FUBP3: variants seen among roughly 807,000 people sequenced by gnomAD.
FUBP3 encodes far upstream element binding protein 3, also known as far upstream element-binding protein 3.
A neutral mutation model predicts 85.6 loss-of-function variants in FUBP3; 28 were observed. The observed-to-expected ratio is 0.33, with a 90% CI of 0.24 to 0.45. FUBP3 has a LOEUF of 0.45. Ranked by LOEUF, FUBP3 falls within the 20% of genes least tolerant of loss-of-function variation. The pLI is 1.00. For missense variants in FUBP3, 583 were observed against 755.1 expected, an observed-to-expected ratio of 0.77 and a Z score of 2.67; for synonymous variants, 271 against 271.4, an observed-to-expected ratio of 1.00 and a Z score of 0.01.
At chr9:130,582,967 CT>C (rs1026950415) in intron 1 of FUBP3, among the ~76,000 whole-genome samples, 2 of 152,142 alleles carry the variant, frequency 1.3e-5, no homozygotes, top group African/African-American at 4.8e-5. Flanking sequence ...AGCATTAGAT[CT>C]GTTTTGATCT....
chr9:130,628,779 A>T (rs1288074858), intron 12 of FUBP3, among the ~76,000 whole-genome samples: 2 of 150,892 alleles, frequency 1.3e-5, no homozygotes, highest in Non-Finnish European at 3.0e-5. Context: ...ATTTTTTTTT[A>T]TTTTTTTGAG....
Position 130,579,648 on chromosome 9 carries a change from TCGGCGGCGG to T in FUBP3, c.-27_-19del, listed in dbSNP as rs573526178. ...GAGCCGAGCGGCGGCGTCGGCGGCG[TCGGCGGCGG>T]CGGCGACGGCGGCGGGGGCGGTAAT... On this transcript the variant is annotated 5_prime_UTR_variant, in exon 1 of 19. Transcript: ENST00000319725. 2.3e-4 allele frequency: 276 copies of T among 1,210,046 alleles called. No homozygotes were observed. Among genetic ancestry groups the T allele is most frequent in the Non-Finnish European group, 2.5e-4 (242 of 965,594 alleles). 75.0% of individuals were successfully genotyped at this position (1,210,046 alleles called of 1,614,324 possible).
intron 9 of FUBP3, 118 bp downstream of exon 9, chr9:130,620,576 A>G: frequency 3.9e-6 from 2 of 514,258 alleles, no homozygotes; most frequent in Non-Finnish European, 6.9e-6. Flanking sequence ...AAACCTTAAG[A>G]ATTCTCTGGC....
At chr9:130,631,716 C>A in intron 14 of FUBP3, 86 bp downstream of exon 14, 2 of 1,107,680 alleles carry the variant, frequency 1.8e-6, no homozygotes, top group Non-Finnish European at 1.4e-6. Context: ...CTAGCGAGTG[C>A]CAGCCAAGGC....
At chr9:130,596,616 C>A in intron 2 of FUBP3, 1 of 410,032 alleles carries the variant, frequency 2.4e-6, no homozygotes, top group Non-Finnish European at 4.9e-6. Context: ...CCCACCTCGG[C>A]TTCCCAAGTA....
chr9:130,633,004 C>T (rs1382596686), intron 16 of FUBP3, among the ~76,000 whole-genome samples: 3 of 152,234 alleles, frequency 2.0e-5, no homozygotes, highest in Non-Finnish European at 4.4e-5. Context: ...CTGCAGATTC[C>T]CACAGCACCC....
At chr9:130,606,735 G>T (rs879229272) in intron 2 of FUBP3, among the ~76,000 whole-genome samples, 1 of 151,952 alleles carries the variant, frequency 6.6e-6, no homozygotes, top group African/African-American at 2.4e-5. Context: ...TAGGAGAATC[G>T]CTTGAACCCA....
chr9:130,622,710 A>G lies in FUBP3; in HGVS notation c.774A>G (p.Val258=), dbSNP rs781459739. Residue 258 remains valine, a splice_region_variant and synonymous_variant, in exon 10 of 19, where the codon GTA becomes GTG. Coordinates refer to ENST00000319725, the MANE Select transcript of FUBP3 (RefSeq NM_003934.2). ...TGGTTTGGTTTCTCTGTGCCTAGGT[A>G]TCTGTGCCTAGGTTTGCTGTGGGGA... ...NSRMGGGSIE[V]SVPRFAVGIV... 1 of 1,531,220 alleles carries G rather than the reference A, an allele frequency of 6.5e-7. No homozygotes were observed. 94.9% of individuals were successfully genotyped at this position (1,531,220 alleles called of 1,614,324 possible). A position where few individuals can be genotyped will look rare whatever the true frequency, so the allele number is the denominator to read the frequency against.
intron 16 of FUBP3, 123 bp from the exon 17 acceptor site, chr9:130,634,544 T>G: frequency 1.4e-6 from 1 of 692,470 alleles, no homozygotes; most frequent in Non-Finnish European, 2.5e-6. Context: ...CAGGCAGGGC[T>G]GCGGAGCCGT....
chr9:130,632,298 G>T lies in FUBP3; in HGVS notation c.1510+20G>T. 1.3e-6 allele frequency: 2 copies of T among 1,583,020 alleles called. No individual in the cohort carries two copies. Among genetic ancestry groups the T allele is most frequent in the Non-Finnish European group, 8.7e-7 (1 of 1,153,950 alleles). On this transcript the variant is annotated intron_variant, in intron 16 of 18. Coordinates refer to ENST00000319725, the MANE Select transcript of FUBP3 (RefSeq NM_003934.2). ...TCCCAAGTAAGTGACTCGGGGCGGG[G>T]AGTGCATGCCCTCCAGAAAGGTTGC...
At chr9:130,632,160 C>A in intron 15 of FUBP3, 42 bp from the exon 16 acceptor site, 1 of 1,544,754 alleles carries the variant, frequency 6.5e-7, no homozygotes, top group Non-Finnish European at 9.0e-7. Context: ...ACAGGGGTGA[C>A]TTGCCCCCTA....
intron 12 of FUBP3, among the ~76,000 whole-genome samples, chr9:130,627,346 T>C (rs536146912): frequency 1.6e-3 from 237 of 152,374 alleles, no homozygotes; most frequent in African/African-American, 5.5e-3. Flanking sequence ...TTTGACAGCA[T>C]GTGGAGAAAA....
chr9:130,596,814 G>T (rs1019985237), intron 2 of FUBP3, among the ~76,000 whole-genome samples: 3 of 152,044 alleles, frequency 2.0e-5, no homozygotes, highest in Admixed American at 2.0e-4. Flanking sequence ...TATATTTATG[G>T]GGTACATGAG....
chr9:130,592,639 G>A (rs1204924914), intron 1 of FUBP3, among the ~76,000 whole-genome samples: 2 of 152,084 alleles, frequency 1.3e-5, no homozygotes, highest in East Asian at 1.9e-4. Flanking sequence ...TCAAACCCCG[G>A]CTCAAGCAGT....
At chr9:130,606,611 G>A (rs957156784) in intron 2 of FUBP3, among the ~76,000 whole-genome samples, 10 of 151,948 alleles carry the variant, frequency 6.6e-5, no homozygotes, top group Admixed American at 3.9e-4. Context: ...ACCTGAGGTC[G>A]GGAGTTCGAG....
Position 130,616,119 on chromosome 9 carries a change from G to GGGC in FUBP3, c.405-232_405-230dup, listed in dbSNP as rs58315872. 0.037 allele frequency among the ~76,000 whole-genome samples: 5,646 copies of GGGC among 152,228 alleles called. 359 individuals are homozygous for GGGC. Among genetic ancestry groups the GGGC allele is most frequent in the African/African-American group, 0.13 (5,421 of 41,514 alleles). ...CATGAGCAGAGGGCAGGCTTGAAAG[G>GGGC]GGCGGCAAGGCTCTGTGTCACAGCG... On this transcript the variant is annotated intron_variant, in intron 6 of 18. Coordinates refer to ENST00000319725, the MANE Select transcript of FUBP3 (RefSeq NM_003934.2). The surrounding 1 kb of genome is among the most constrained non-coding windows in gnomAD (Gnocchi z 4.7).
At chr9:130,579,857 G>A (rs780675339) in intron 1 of FUBP3, 93 bp downstream of exon 1, 11 of 763,512 alleles carry the variant, frequency 1.4e-5, no homozygotes, top group African/African-American at 5.4e-5. Flanking sequence ...GCGGGAGGCA[G>A]CCTGAACCGA....
intron 2 of FUBP3, among the ~76,000 whole-genome samples, chr9:130,596,445 C>T (rs1254419323): frequency 1.3e-5 from 2 of 151,770 alleles, no homozygotes; most frequent in Non-Finnish European, 2.9e-5. Context: ...CCCAAAAGTG[C>T]ATATTTTTAT....
Position 130,603,289 on chromosome 9 carries a change from G to A in FUBP3, c.191-6665G>A, listed in dbSNP as rs1831247222. 2.0e-5 allele frequency among the ~76,000 whole-genome samples: 3 copies of A among 146,478 alleles called. No homozygotes were observed. In the Admixed American group the frequency reaches 2.1e-4, roughly 10 times the overall value. ...CTGAACCCGGGAGGCAGAGGTTGCAGTGAGCTGAAACCGTGTCACTGCACT... is the reference window on the plus strand; with the variant it reads ...CTGAACCCGGGAGGCAGAGGTTGCAATGAGCTGAAACCGTGTCACTGCACT... On this transcript the variant is annotated intron_variant, in intron 2 of 18. Coordinates refer to ENST00000319725, the MANE Select transcript of FUBP3 (RefSeq NM_003934.2).
Sources: allele counts gnomAD v4.1 joint callset (sites outside exome capture counted in the v4.1 genomes callset), GRCh38; gene constraint gnomAD v4.1.1; non-coding constraint Gnocchi (gnomAD v3.1); transcripts MANE v1.5; gene names NCBI Gene and HGNC (gene_info 2026-07-23, HGNC 2026-07-21).